The following CSMD1 variants were observed in gnomAD, a reference collection of about 807,000 sequenced individuals.
CSMD1 encodes CUB and Sushi multiple domains 1.
In CSMD1, 213 loss-of-function variants were observed where a neutral mutation model predicts 417.5. The ratio of observed to expected loss-of-function variants is 0.51; its 90% CI spans 0.46 to 0.57. The LOEUF is 0.57. CSMD1 is among the 20% of genes least tolerant of loss of function. The pLI, the probability that CSMD1 is intolerant of heterozygous loss-of-function variation, is 0.00. For synonymous variants in CSMD1, 2,862 were observed against 1,736.8 expected, an observed-to-expected ratio of 1.65 and a Z score of -16.11; for missense variants, 6,923 against 4,529.7, an observed-to-expected ratio of 1.53 and a Z score of -15.17.
Position 3,284,308 on chromosome 8 carries a change from T to C in CSMD1, c.3989A>G (p.Asp1330Gly), listed in dbSNP as rs1212793207. 2 of 1,613,878 alleles carry C rather than the reference T, an allele frequency of 1.2e-6. No homozygotes were observed. The highest frequency in any genetic ancestry group is 2.2e-5 in the South Asian group (2 of 91,070). ...FIVFDTEMAH[D>G]ILKVWDGPVD... The stretch of plus-strand genomic sequence containing the variant: ...CGGCCCGTCCCAGACCTTGAGGATG[T>C]CGTGAGCCATCTCCGTGTCGAAAAC... The change falls in exon 26 of 70, where the codon GAC becomes GGC. Residue 1330 changes from aspartate to glycine, a missense_variant. Asp to Gly is a moderately conservative substitution (Grantham distance 94, BLOSUM62 -1). Transcript: ENST00000635120.
chr8:3,384,946 G>T (rs1340976682), intron 18 of CSMD1, among the ~76,000 whole-genome samples: 1 of 91,554 alleles, frequency 1.1e-5, no homozygotes, highest in Non-Finnish European at 2.0e-5. Flanking sequence ...TATAATATAT[G>T]CATATATAAT....
At chr8:3,030,983 C>T in intron 50 of CSMD1, among the ~76,000 whole-genome samples, 1 of 151,786 alleles carries the variant, frequency 6.6e-6, no homozygotes, top group South Asian at 2.1e-4. Flanking sequence ...TAAAAGTAAT[C>T]CTTAGGTTTC....
intron 3 of CSMD1, among the ~76,000 whole-genome samples, chr8:4,279,560 A>G (rs938160764): frequency 1.3e-5 from 2 of 152,186 alleles, no homozygotes; most frequent in African/African-American, 4.8e-5. Flanking sequence ...CCTCTAATAC[A>G]CTGATTCTGC....
chr8:4,110,411 G>A (rs1487846990), intron 3 of CSMD1, among the ~76,000 whole-genome samples: 1 of 152,080 alleles, frequency 6.6e-6, no homozygotes, highest in African/African-American at 2.4e-5. Context: ...CAAAAATATA[G>A]TACTCTGGAA....
chr8:3,276,423 A>T (rs1563215315), intron 26 of CSMD1, among the ~76,000 whole-genome samples: 1 of 152,158 alleles, frequency 6.6e-6, no homozygotes. Context: ...GGCTTCTCCG[A>T]CTGCAAGTCA....
intron 10 of CSMD1, among the ~76,000 whole-genome samples, 170 bp from the exon 11 acceptor site, chr8:3,493,896 G>T (rs13249756): frequency 6.6e-6 from 1 of 152,072 alleles, no homozygotes; most frequent in African/African-American, 2.4e-5. Context: ...ATATTTGATA[G>T]CCTGGCATTA....
rs551118114 is a variant in CSMD1, at chr8:4,471,298, G to C, written c.303-51233C>G. ...ATAAATTTCACAACAAAGTCAAACA[G>C]GTTGGTAAAAAGCTGGAAAAGGCAA... On this transcript the variant is annotated intron_variant, in intron 2 of 69. Transcript: ENST00000635120. 3.1e-4 allele frequency among the ~76,000 whole-genome samples: 47 copies of C among 152,252 alleles called. 1 individual carries two copies. The South Asian group carries it at 8.5e-3, about 28-fold the overall frequency.
At chr8:4,722,711 A>T (rs1238891804) in intron 1 of CSMD1, among the ~76,000 whole-genome samples, 1 of 152,146 alleles carries the variant, frequency 6.6e-6, no homozygotes, top group Non-Finnish European at 1.5e-5. Context: ...ATATGATGTC[A>T]GCTGATTTTT....
intron 12 of CSMD1, among the ~76,000 whole-genome samples, chr8:3,436,785 C>T (rs1814594287): frequency 6.6e-6 from 1 of 152,142 alleles, no homozygotes; most frequent in South Asian, 2.1e-4. Context: ...ATATTTTCTT[C>T]TTCTCTTCTC....
chr8:3,461,493 C>A (rs1222145575), intron 12 of CSMD1, among the ~76,000 whole-genome samples: 1 of 152,156 alleles, frequency 6.6e-6, no homozygotes, highest in Admixed American at 6.5e-5. Flanking sequence ...TCACCTCCAC[C>A]CCAGGAGCTG....
intron 54 of CSMD1, among the ~76,000 whole-genome samples, chr8:2,994,080 A>C (rs1435723957): frequency 7.3e-6 from 1 of 136,990 alleles, no homozygotes; most frequent in Non-Finnish European, 1.5e-5. Flanking sequence ...CTGGAGGCGG[A>C]AGTTGCAGTG....
intron 3 of CSMD1, among the ~76,000 whole-genome samples, chr8:4,067,173 G>T (rs1230369816): frequency 2.6e-5 from 4 of 152,206 alleles, no homozygotes; most frequent in Admixed American, 2.6e-4. Flanking sequence ...AAGATACTGG[G>T]TGAAAGGCTA....
intron 5 of CSMD1, among the ~76,000 whole-genome samples, chr8:3,847,463 C>A (rs1291351276): frequency 6.6e-6 from 1 of 152,076 alleles, no homozygotes; most frequent in East Asian, 1.9e-4. Flanking sequence ...AGCATCTCAG[C>A]CCTATACTTG....
chr8:3,035,198 TC>T (rs1408129246), intron 50 of CSMD1, among the ~76,000 whole-genome samples: 2 of 152,094 alleles, frequency 1.3e-5, no homozygotes, highest in African/African-American at 4.8e-5. Flanking sequence ...CTGCCAGCAC[TC>T]CCCAGTCCCC....
intron 3 of CSMD1, among the ~76,000 whole-genome samples, chr8:4,263,577 A>G (rs995423027): frequency 1.5e-4 from 23 of 152,306 alleles, no homozygotes; most frequent in African/African-American, 4.1e-4. Flanking sequence ...ATCAACAATC[A>G]TGAGTCAATT....
intron 3 of CSMD1, among the ~76,000 whole-genome samples, chr8:4,179,420 A>C (rs965686342): frequency 2.0e-5 from 3 of 152,096 alleles, no homozygotes; most frequent in Non-Finnish European, 4.4e-5. Flanking sequence ...CCTATACAAA[A>C]ATCAATTCAA....
chr8:4,389,807 CTTTA>C (rs1803721650), intron 3 of CSMD1, among the ~76,000 whole-genome samples: 1 of 152,052 alleles, frequency 6.6e-6, no homozygotes, highest in Admixed American at 6.6e-5. Context: ...CTTACAACTA[CTTTA>C]TTTAAAGTAC....
At chr8:4,505,022 G>C (rs981442340) in intron 2 of CSMD1, among the ~76,000 whole-genome samples, 1 of 152,090 alleles carries the variant, frequency 6.6e-6, no homozygotes, top group Admixed American at 6.6e-5. Flanking sequence ...TGTGTCAAAT[G>C]GTATTTCTGT....
In CSMD1 at chr8:4,404,622, A is replaced by G. The variant is rs377563527; in HGVS notation, c.415+15331T>C. 3.3e-5 allele frequency among the ~76,000 whole-genome samples: 5 copies of G among 152,276 alleles called. No individual in the cohort carries two copies. The East Asian group carries it at 9.6e-4, about 29-fold the overall frequency. On this transcript the variant is annotated intron_variant, in intron 3 of 69. Coordinates refer to ENST00000635120, the MANE Select transcript of CSMD1 (RefSeq NM_033225.6). ...AAAAATGGCAATTTCTTTTGCACCA[A>G]CCTAAGTAATGTGAATTTATATTAA...
Sources: gnomAD v4.1 joint callset for allele counts (sites outside exome capture counted in the v4.1 genomes callset) on GRCh38, gnomAD v4.1.1 for gene constraint, MANE v1.5 for transcripts, NCBI Gene and HGNC (gene_info 2026-07-23, HGNC 2026-07-21) for gene names.